The following RUFY3 variants were observed in gnomAD, a reference collection of about 807,000 sequenced individuals.
RUFY3 encodes the protein RUN and FYVE domain containing 3.
RUFY3 carries 34 observed loss-of-function variants against 84.0 expected under a neutral mutation model. The observed-to-expected ratio is 0.40, with a 90% CI of 0.31 to 0.54. The LOEUF is 0.54. Among genes scored for constraint, RUFY3 ranks in the 20% least tolerant of loss-of-function variants. The pLI is 0.39. For synonymous variants in RUFY3, 242 were observed against 252.9 expected, an observed-to-expected ratio of 0.96 and a Z score of 0.41; for missense variants, 507 against 736.8, an observed-to-expected ratio of 0.69 and a Z score of 3.61.
At chr4:70,704,809 G>A (rs568881110) in exon 1 of RUFY3, 2 of 599,002 alleles carry the variant, frequency 3.3e-6, no homozygotes, top group African/African-American at 3.9e-5. Flanking sequence ...CCGTGGCCGA[G>A]AAGAAAGGTG....
At chr4:70,773,077 T>C (rs1183015394) in intron 5 of RUFY3, among the ~76,000 whole-genome samples, 2 of 152,216 alleles carry the variant, frequency 1.3e-5, no homozygotes, top group African/African-American at 4.8e-5. Flanking sequence ...TTAGCAATGG[T>C]CATCTTCAGT....
chr4:70,708,319 G>A (rs139011376), intron 1 of RUFY3, among the ~76,000 whole-genome samples: 7 of 151,788 alleles, frequency 4.6e-5, no homozygotes, highest in East Asian at 1.9e-4. Flanking sequence ...TTACAGGTGC[G>A]CACCACCACC....
At chr4:70,712,833 C>T (rs1741133312) in intron 1 of RUFY3, among the ~76,000 whole-genome samples, 1 of 152,116 alleles carries the variant, frequency 6.6e-6, no homozygotes, top group South Asian at 2.1e-4. Context: ...AAGTAGAATC[C>T]CATTTTTGAT....
chr4:70,788,949 G>C lies in RUFY3; in HGVS notation c.1215G>C (p.Lys405Asn), dbSNP rs779435932. 1 of 1,614,108 alleles carries C rather than the reference G, an allele frequency of 6.2e-7. No individual in the cohort carries two copies. Residue 405 changes from lysine to asparagine, a missense_variant, in exon 11 of 18, where the codon AAG becomes AAC. Physicochemically the swap from Lys to Asn is moderately conservative, Grantham distance 94 (BLOSUM62 0). This residue lies in a region of RUFY3 where 334 missense variants were observed against 364.1 expected (regional missense o/e 0.92). Transcript: ENST00000381006. ...RQQLDDLRAL[K>N]HELAFKLQSS... ...AGCTGGATGACCTCAGAGCTCTCAA[G>C]CATGAACTTGCCTTTAAGCTGCAGG...
chr4:70,749,082 C>CTT (rs897252672), intron 1 of RUFY3, among the ~76,000 whole-genome samples: 1 of 151,862 alleles, frequency 6.6e-6, no homozygotes, highest in Non-Finnish European at 1.5e-5. Flanking sequence ...CTTTTCTTTT[C>CTT]TTTTTTTTAT....
At chr4:70,801,344 A>G (rs1732209508) in intron 15 of RUFY3, among the ~76,000 whole-genome samples, 1 of 152,094 alleles carries the variant, frequency 6.6e-6, no homozygotes, top group Non-Finnish European at 1.5e-5. Flanking sequence ...ACCTTAATGT[A>G]AACTATAGAC....
intron 1 of RUFY3, among the ~76,000 whole-genome samples, chr4:70,753,194 G>A (rs1472260933): frequency 1.3e-5 from 2 of 152,116 alleles, no homozygotes; most frequent in Non-Finnish European, 2.9e-5. Flanking sequence ...GTTGTCCGTA[G>A]TATTCCCTTA....
chr4:70,732,458 G>C (rs1213799414), intron 1 of RUFY3, among the ~76,000 whole-genome samples: 1 of 152,076 alleles, frequency 6.6e-6, no homozygotes, highest in Non-Finnish European at 1.5e-5. Context: ...ACATGCACAC[G>C]TATGTTTATT....
chr4:70,738,709 T>C (rs1442062848), intron 1 of RUFY3, among the ~76,000 whole-genome samples: 5 of 151,858 alleles, frequency 3.3e-5, no homozygotes, highest in Admixed American at 6.5e-5. Context: ...AGTCTTTTGC[T>C]CACCATAAAT....
intron 7 of RUFY3, 51 bp from the exon 8 acceptor site, chr4:70,778,318 G>A: frequency 1.1e-6 from 1 of 893,230 alleles, no homozygotes; most frequent in African/African-American, 1.7e-5. Flanking sequence ...GGAAGGTACA[G>A]AGTATTGTCT....
chr4:70,781,880 C>T (rs992950025), intron 8 of RUFY3, among the ~76,000 whole-genome samples: 11 of 152,156 alleles, frequency 7.2e-5, no homozygotes, highest in Admixed American at 3.3e-4. Flanking sequence ...TCACATTCTC[C>T]GGGAGTTTAG....
At chr4:70,762,458 T>G (rs2148705775) in intron 1 of RUFY3, 61 bp from the exon 2 acceptor site, 1 of 1,464,826 alleles carries the variant, frequency 6.8e-7, no homozygotes, top group South Asian at 1.3e-5. Context: ...CAACTAATAC[T>G]GAATTTTAAA....
exon 1 of RUFY3, chr4:70,705,143 C>T (rs1018784656): frequency 1.0e-5 from 15 of 1,456,192 alleles, no homozygotes; most frequent in Non-Finnish European, 1.4e-5. Context: ...TCCTGCTGTA[C>T]CCCGGCGATG....
rs1421705069 is a variant in RUFY3 at position 70,723,462 on chromosome 4, T to G, written c.178+711T>G. 5.3e-5 allele frequency among the ~76,000 whole-genome samples: 8 copies of G among 152,322 alleles called. No homozygotes were observed. The South Asian group carries it at 1.7e-3, about 32-fold the overall frequency. On this transcript the variant is annotated intron_variant, in intron 1 of 17. Coordinates refer to ENST00000381006, the MANE Select transcript of RUFY3 (RefSeq NM_001037442.4). ...TTTATAAATTATTTGTGGTAACTAT[T>G]ATGATCCATTTGAGATTTCCACTGT...
At chr4:70,733,142 GAGAGA>G (rs1560464153) in intron 1 of RUFY3, among the ~76,000 whole-genome samples, 29 of 111,808 alleles carry the variant, frequency 2.6e-4, no homozygotes, top group African/African-American at 1.1e-3. Context: ...GGGAGGGAGA[GAGAGA>G]GAGAGAGAGA....
intron 1 of RUFY3, chr4:70,741,758 G>A (rs374120160): frequency 4.1e-5 from 45 of 1,101,586 alleles, no homozygotes; most frequent in Middle Eastern, 2.0e-4. Flanking sequence ...ATTGTTTTCC[G>A]TAAGAGGAAA....
At position 70,730,798 on chromosome 4, in the gene RUFY3, G is replaced by T. The variant is rs149337976; in HGVS notation, c.178+8047G>T. Among the ~76,000 whole-genome samples, 43 of 152,192 alleles carry T rather than the reference G, an allele frequency of 2.8e-4. No individual in the cohort carries two copies. The East Asian group carries it at 7.3e-3, about 26-fold the overall frequency. ...ATTCAAGGGTGTAATAACCGGTAGA[G>T]GCAGGATTCAAACTCAGACTACCAA... is the stretch of plus-strand genomic sequence containing the variant. On this transcript the variant is annotated intron_variant, in intron 1 of 17. Transcript: ENST00000381006.
rs532900264 is a variant in RUFY3 at position 70,755,167 on chromosome 4, C to G, written c.179-7352C>G. On this transcript the variant is annotated intron_variant, in intron 1 of 17. Transcript: ENST00000381006. ...GATCCTCCCTGAGCCACCGCGTGAG[C>G]CACCAGCGTGAGCCACTGCGCCCAG... is the stretch of plus-strand genomic sequence containing the variant. Among the ~76,000 whole-genome samples the G allele has an allele frequency of 3.0e-4, 45 of 152,082 alleles. No homozygotes were observed. In the East Asian group the frequency reaches 7.3e-3, roughly 25 times the overall value.
At chr4:70,762,384 T>C (rs1455874538) in intron 1 of RUFY3, 135 bp from the exon 2 acceptor site, 13 of 699,758 alleles carry the variant, frequency 1.9e-5, no homozygotes, top group Non-Finnish European at 3.1e-5. Context: ...TACTGCTTCA[T>C]TGAGGATATT....
Sources: gnomAD v4.1 joint callset for allele counts (sites outside exome capture counted in the v4.1 genomes callset) on GRCh38, gnomAD v4.1.1 for gene constraint, gnomAD v4.1.1 regional missense constraint, MANE v1.5 for transcripts, NCBI Gene and HGNC (gene_info 2026-07-23, HGNC 2026-07-21) for gene names.